Variants in FBN1 observed in about 807,000 individuals in gnomAD.
The protein encoded by FBN1 is fibrillin-1.
Under a neutral mutation model 365.1 loss-of-function variants are expected in FBN1, and 29 were observed. That is an observed-to-expected ratio of 0.08 (90% CI 0.06 to 0.11). The LOEUF is 0.11. Ranked by LOEUF, FBN1 falls within the 10% of genes least tolerant of loss-of-function variation. The pLI is 1.00. For missense variants in FBN1, 2,476 were observed against 3,703.2 expected (o/e 0.67, Z 8.60); for synonymous variants, 1,210 against 1,270.5 (o/e 0.95, Z 1.01).
At chr15:48,584,168 A>C (rs1566932292) in intron 6 of FBN1, among the ~76,000 whole-genome samples, 1 of 152,304 alleles carries the variant, frequency 6.6e-6, no homozygotes, top group East Asian at 1.9e-4. Context: ...TCCTGTGCTA[A>C]GTACTTTGTG....
intron 43 of FBN1, among the ~76,000 whole-genome samples, chr15:48,458,421 T>C (rs922097725): frequency 5.3e-5 from 8 of 152,232 alleles, no homozygotes; most frequent in Admixed American, 4.6e-4. Context: ...CTATTTTGAA[T>C]ACACGCAATT....
At chr15:48,472,828 T>G in intron 34 of FBN1, 152 bp from the exon 35 acceptor site, 3 of 1,002,974 alleles carry the variant, frequency 3.0e-6, no homozygotes, top group African/African-American at 3.2e-5. Flanking sequence ...AGGCTAACAC[T>G]GAATATGAAA....
chr15:48,523,704 G>A (rs2043880524), intron 9 of FBN1, among the ~76,000 whole-genome samples: 1 of 135,540 alleles, frequency 7.4e-6, no homozygotes, highest in African/African-American at 2.8e-5. Context: ...CCACACCAAG[G>A]GTGGCTGGGG....
chr15:48,469,079 A>AAT lies in FBN1; in HGVS notation c.4460-547_4460-546dup, dbSNP rs1555397268. On this transcript the variant is annotated intron_variant, in intron 36 of 65. Transcript: ENST00000316623. ...CGAGACTCCGTCTCAAAAAAAAAAA[A>AAT]ATATATATATATATAAAATATAATA... Among the ~76,000 whole-genome samples the AAT allele has an allele frequency of 6.3e-3, 622 of 98,816 alleles. 9 individuals carry two copies. Among genetic ancestry groups the AAT allele is most frequent in the Non-Finnish European group, 8.8e-3 (446 of 50,546 alleles). The allele number at this position is 98,816 out of a possible 152,430, so 64.8% of individuals were successfully genotyped here. A position where few individuals can be genotyped will look rare whatever the true frequency, so the allele number is the denominator to read the frequency against.
intron 64 of FBN1, 23 bp downstream of exon 64, chr15:48,415,513 T>C (rs879619930): frequency 1.3e-6 from 2 of 1,541,212 alleles, no homozygotes; most frequent in African/African-American, 1.4e-5. Flanking sequence ...TCTCCAACCA[T>C]GACCAGGAAG....
chr15:48,586,281 G>A (rs1262785374), intron 6 of FBN1, among the ~76,000 whole-genome samples: 1 of 152,118 alleles, frequency 6.6e-6, no homozygotes, highest in Non-Finnish European at 1.5e-5. Flanking sequence ...GGTGGGGTCC[G>A]GGAGGCCAGA....
At chr15:48,545,751 G>A (rs1180400842) in intron 6 of FBN1, among the ~76,000 whole-genome samples, 1 of 152,220 alleles carries the variant, frequency 6.6e-6, no homozygotes, top group Non-Finnish European at 1.5e-5. Flanking sequence ...AGCTGGCACA[G>A]TGGCTCATGC....
chr15:48,622,894 T>C (rs1889796446), intron 2 of FBN1, among the ~76,000 whole-genome samples: 1 of 152,222 alleles, frequency 6.6e-6, no homozygotes, highest in African/African-American at 2.4e-5. Flanking sequence ...TTTCAATATG[T>C]AGTTCCATCT....
chr15:48,524,542 TGAC>T (rs1555400882), intron 9 of FBN1, among the ~76,000 whole-genome samples: 4 of 152,208 alleles, frequency 2.6e-5, no homozygotes, highest in Non-Finnish European at 1.5e-5. Context: ...TCATTTTGTA[TGAC>T]AAGTGTCTAA....
chr15:48,432,068 TTTCCTTTTCTGGACTTG>T (rs1342776817), intron 55 of FBN1, among the ~76,000 whole-genome samples: 2 of 152,200 alleles, frequency 1.3e-5, no homozygotes, highest in Non-Finnish European at 2.9e-5. Flanking sequence ...CCCTCCTTCA[TTTCCTTTTCTGGACTTG>T]GTTGGGCCTT....
rs1231914510 is a variant in FBN1, at chr15:48,411,346, C to T, written c.8260G>A (p.Ala2754Thr). The T allele has an allele frequency of 1.2e-6, 2 of 1,614,054 alleles. No individual in the cohort carries two copies. Among genetic ancestry groups the T allele is most frequent in the East Asian group, 2.2e-5 (1 of 44,876 alleles). ...QSETEANVSL[A>T]SWDVEKTAIF... ...GCTGTCTTCTCAACATCCCAACTTG[C>T]AAGACTCACATTGGCTTCTGTCTCA... The change falls in exon 66 of 66, where the codon GCA (alanine) becomes ACA (threonine). Residue 2754 changes from alanine to threonine, a missense_variant. Ala to Thr is a moderately conservative substitution (Grantham distance 58). Coordinates refer to ENST00000316623, the MANE Select transcript of FBN1 (RefSeq NM_000138.5).
intron 16 of FBN1, among the ~76,000 whole-genome samples, chr15:48,504,166 T>C (rs1462617624): frequency 1.3e-5 from 2 of 152,238 alleles, no homozygotes; most frequent in Non-Finnish European, 2.9e-5. Flanking sequence ...TTCAGTTTTC[T>C]AGGGAGTATC....
At position 48,470,664 on chromosome 15, in the gene FBN1, C is replaced by T. The variant is rs869025407; in HGVS notation, c.4429G>A (p.Glu1477Lys). 3 of 1,614,014 alleles carry T rather than the reference C, an allele frequency of 1.9e-6. No individual in the cohort carries two copies. The highest frequency in any genetic ancestry group is 2.5e-6 in the Non-Finnish European group (3 of 1,180,008). Reference sequence around the variant, plus strand: ...CAGTTCCCGCCGCTTCTGTCCAGTTCGTAGCCTATCTCACACTCACAGCGG... The same window carrying T: ...CAGTTCCCGCCGCTTCTGTCCAGTTTGTAGCCTATCTCACACTCACAGCGG... ...LFRCECEIGY[E>K]LDRSGGNCTD... The change falls in exon 36 of 66, where the codon GAA becomes AAA. Residue 1477 changes from glutamate (E) to lysine (K), a missense_variant. Physicochemically the swap from Glu to Lys is moderately conservative, Grantham distance 56. This residue lies in a region of FBN1 where 1,780 missense variants were observed against 2,840.8 expected (regional missense o/e 0.63). Transcript: ENST00000316623.
At chr15:48,616,356 C>T (rs1012862916) in intron 2 of FBN1, among the ~76,000 whole-genome samples, 1 of 152,156 alleles carries the variant, frequency 6.6e-6, no homozygotes, top group Non-Finnish European at 1.5e-5. Context: ...TATGGCTCAA[C>T]GCAAAGTATT....
chr15:48,433,292 T>C (rs1171082330), intron 54 of FBN1, among the ~76,000 whole-genome samples: 1 of 152,194 alleles, frequency 6.6e-6, no homozygotes, highest in South Asian at 2.1e-4. Flanking sequence ...ACCCAACATT[T>C]GAGGGGCTCT....
intron 6 of FBN1, among the ~76,000 whole-genome samples, chr15:48,542,758 T>C (rs1279375115): frequency 6.6e-6 from 1 of 150,514 alleles, no homozygotes; most frequent in East Asian, 2.0e-4. Flanking sequence ...CCCAAGATTA[T>C]TTCTGCCCTC....
chr15:48,599,045 C>T (rs1204374440), intron 5 of FBN1, among the ~76,000 whole-genome samples: 1 of 152,166 alleles, frequency 6.6e-6, no homozygotes, highest in Non-Finnish European at 1.5e-5. Flanking sequence ...ATTATGAAGC[C>T]TCCCCAGCCA....
intron 9 of FBN1, among the ~76,000 whole-genome samples, chr15:48,523,611 A>G (rs1163477530): frequency 1.3e-5 from 2 of 152,176 alleles, no homozygotes; most frequent in Admixed American, 1.3e-4. Flanking sequence ...AAGGAAGAAA[A>G]AACTGAAAAT....
chr15:48,464,730 A>G (rs573488520), intron 40 of FBN1, among the ~76,000 whole-genome samples: 24 of 152,324 alleles, frequency 1.6e-4, no homozygotes, highest in African/African-American at 5.8e-4. Flanking sequence ...GATAGGGTAT[A>G]TAGTATCCCG....
Sources: allele counts gnomAD v4.1 joint callset (sites outside exome capture counted in the v4.1 genomes callset), GRCh38; gene constraint gnomAD v4.1.1; regional missense constraint gnomAD v4.1.1; transcripts MANE v1.5; gene names NCBI Gene and HGNC (gene_info 2026-07-23, HGNC 2026-07-21).